Variants in RFX2 observed in about 807,000 individuals in gnomAD.
RFX2 encodes the protein DNA-binding protein RFX2.
A neutral mutation model predicts 87.8 loss-of-function variants in RFX2; 20 were observed. The ratio of observed to expected loss-of-function variants is 0.23; its 90% CI spans 0.16 to 0.33. RFX2 has a LOEUF of 0.33. Ranked by LOEUF, RFX2 falls within the 10% of genes least tolerant of loss-of-function variation. The pLI, the probability that RFX2 is intolerant of heterozygous loss-of-function variation, is 1.00. For missense variants in RFX2, 767 were observed against 1,012.3 expected (o/e 0.76, Z 3.29); for synonymous variants, 397 against 431.3 (o/e 0.92, Z 0.98).
Position 6,037,007 on chromosome 19 carries a change from G to C in RFX2, c.522+2973C>G, listed in dbSNP as rs182241084. On this transcript the variant is annotated intron_variant, in intron 5 of 17. Coordinates refer to ENST00000303657, the MANE Select transcript of RFX2 (RefSeq NM_000635.4). The stretch of plus-strand genomic sequence containing the variant: ...TAGAACCAAAAAATGAGTTCAGGCT[G>C]GGAAGGGTGGCTCACACCTGTAATC... Among the ~76,000 whole-genome samples, 435 of 152,276 alleles carry C rather than the reference G, an allele frequency of 2.9e-3. 2 individuals carry two copies. Among genetic ancestry groups the C allele is most frequent in the African/African-American group, 9.7e-3 (405 of 41,566 alleles).
Position 5,999,784 on chromosome 19 carries a change from G to A in RFX2, c.1859+2031C>T, listed in dbSNP as rs144296962. On this transcript the variant is annotated intron_variant, in intron 15 of 17. Coordinates refer to ENST00000303657, the MANE Select transcript of RFX2 (RefSeq NM_000635.4). The surrounding 1 kb of genome is among the most constrained non-coding windows in gnomAD (Gnocchi z 4.1). The stretch of plus-strand genomic sequence containing the variant: ...CATGCAAAGTGGGAAAGAATGGGCC[G>A]TCTTATTTACAGAGGCTGGGGGTGA... Among the ~76,000 whole-genome samples, 2,226 of 152,132 alleles carry A rather than the reference G, an allele frequency of 0.015. 45 individuals carry two copies. The highest frequency in any genetic ancestry group is 0.048 in the African/African-American group (1,975 of 41,490).
At chr19:6,084,643 C>CTTTCTTT in intron 1 of RFX2, among the ~76,000 whole-genome samples, 1 of 145,420 alleles carries the variant, frequency 6.9e-6, no homozygotes, top group South Asian at 2.1e-4. Flanking sequence ...TTCTTTCTTT[C>CTTTCTTT]TTTTTTTTGA....
rs1441051430 is a variant in RFX2, at chr19:6,013,652, G to A, written c.780-547C>T. ...CTCCTGCCTCAGCCTCTGAGTAGCT[G>A]GGACAGCTGGCGTGTGCCAACACAC... On this transcript the variant is annotated intron_variant, in intron 7 of 17. Coordinates refer to ENST00000303657, the MANE Select transcript of RFX2 (RefSeq NM_000635.4). This position sits in a 1 kb window ranked among gnomAD's most constrained non-coding sequence, Gnocchi z 4.1. Among the ~76,000 whole-genome samples, 1 of 152,152 alleles carries A rather than the reference G, an allele frequency of 6.6e-6. No individual in the cohort carries two copies. Among genetic ancestry groups the A allele is most frequent in the Non-Finnish European group, 1.5e-5 (1 of 68,016 alleles).
At position 6,004,714 on chromosome 19, in the gene RFX2, AAC is replaced by A. The variant is rs144381234; in HGVS notation, c.1403-418_1403-417del. Reference sequence around the variant, plus strand: ...GCCAAGGGAAAGAGGCCTTGACACAAACACACACACACACGTAAATACATTCT... The same window carrying A: ...GCCAAGGGAAAGAGGCCTTGACACAAACACACACACACGTAAATACATTCT... On this transcript the variant is annotated intron_variant, in intron 12 of 17. Coordinates refer to ENST00000303657, the MANE Select transcript of RFX2 (RefSeq NM_000635.4). This position sits in a 1 kb window ranked among gnomAD's most constrained non-coding sequence, Gnocchi z 4.8. 6.6e-6 allele frequency among the ~76,000 whole-genome samples: 1 copy of A among 151,768 alleles called. No homozygotes were observed. The highest frequency in any genetic ancestry group is 2.4e-5 in the African/African-American group (1 of 41,432).
chr19:6,078,313 T>C (rs2087725437), intron 1 of RFX2: 1 of 142,318 alleles, frequency 7.0e-6, no homozygotes, highest in African/African-American at 2.7e-5. Flanking sequence ...CTTTACGGTA[T>C]GTAAAACAGA....
At chr19:6,104,886 G>A (rs1018969136) in intron 1 of RFX2, among the ~76,000 whole-genome samples, 1 of 152,094 alleles carries the variant, frequency 6.6e-6, no homozygotes, top group African/African-American at 2.4e-5. Context: ...TTGGGAGGCC[G>A]AGGTGGGCAG....
intron 1 of RFX2, among the ~76,000 whole-genome samples, chr19:6,092,915 A>C (rs1314486576): frequency 6.6e-6 from 1 of 152,000 alleles, no homozygotes; most frequent in Non-Finnish European, 1.5e-5. Flanking sequence ...AGAGGCAAGG[A>C]GTGGGACGGG....
rs1306856379 is a variant in RFX2, at chr19:6,110,020, C to T, written c.-9+373G>A. ...TTAAGGTGAGAAGAGGGTCCCCAAG[C>T]GCCCCCAATTCAGGGAGTTTGAGGA... On this transcript the variant is annotated intron_variant, in intron 1 of 17. Transcript: ENST00000303657. This position sits in a 1 kb window ranked among gnomAD's most constrained non-coding sequence, Gnocchi z 4.3. 2.0e-5 allele frequency among the ~76,000 whole-genome samples: 3 copies of T among 151,428 alleles called. No individual in the cohort carries two copies. Among genetic ancestry groups the T allele is most frequent in the Non-Finnish European group, 3.0e-5 (2 of 67,774 alleles).
chr19:6,079,649 A>G (rs943026566), intron 1 of RFX2, among the ~76,000 whole-genome samples: 1 of 152,140 alleles, frequency 6.6e-6, no homozygotes, highest in Non-Finnish European at 1.5e-5. Flanking sequence ...GCACTTTGGA[A>G]GGCTGAGGTG....
intron 1 of RFX2, among the ~76,000 whole-genome samples, chr19:6,096,548 G>A (rs1365450559): frequency 6.6e-6 from 1 of 152,148 alleles, no homozygotes; most frequent in African/African-American, 2.4e-5. Context: ...CCGGGTTCAT[G>A]CCATTCTCCT....
At position 6,017,718 on chromosome 19, in the gene RFX2, T is replaced by G. The variant is rs2086748660; in HGVS notation, c.598-1447A>C. Reference sequence around the variant, plus strand: ...TGCCTGGGCCCTTCAGAGTGGGCAGTGCTGGGTCCTCAGCCCTCCCCCACC... The same window carrying G: ...TGCCTGGGCCCTTCAGAGTGGGCAGGGCTGGGTCCTCAGCCCTCCCCCACC... On this transcript the variant is annotated intron_variant, in intron 6 of 17. Coordinates refer to ENST00000303657, the MANE Select transcript of RFX2 (RefSeq NM_000635.4). This position sits in a 1 kb window ranked among gnomAD's most constrained non-coding sequence, Gnocchi z 4.1. 6.6e-6 allele frequency among the ~76,000 whole-genome samples: 1 copy of G among 152,134 alleles called. No homozygotes were observed. The highest frequency in any genetic ancestry group is 2.4e-5 in the African/African-American group (1 of 41,424).
chr19:6,075,132 C>T (rs2087672364), intron 1 of RFX2, among the ~76,000 whole-genome samples: 1 of 152,200 alleles, frequency 6.6e-6, no homozygotes, highest in South Asian at 2.1e-4. Context: ...GCACCCTCTT[C>T]TCAGACTTCC....
chr19:6,028,438 T>C (rs745313766), intron 5 of RFX2, among the ~76,000 whole-genome samples: 19 of 152,344 alleles, frequency 1.2e-4, no homozygotes, highest in Non-Finnish European at 1.3e-4. Flanking sequence ...ATATTTTTAC[T>C]TGATACTATA....
At position 6,001,639 on chromosome 19, in the gene RFX2, C is replaced by G. The variant is rs568709267; in HGVS notation, c.1859+176G>C. 6.6e-6 allele frequency among the ~76,000 whole-genome samples: 1 copy of G among 152,310 alleles called. No individual in the cohort carries two copies. Among genetic ancestry groups the G allele is most frequent in the East Asian group, 1.9e-4 (1 of 5,178 alleles). On this transcript the variant is annotated intron_variant, in intron 15 of 17. Transcript: ENST00000303657. This position sits in a 1 kb window ranked among gnomAD's most constrained non-coding sequence, Gnocchi z 5.6. ...CTTCTGGGCCTGCCCCTGGGAGCCG[C>G]TGGTCATGAGTGAGGCCCCCAGCCA... is the stretch of plus-strand genomic sequence containing the variant.
chr19:6,072,900 C>A lies in RFX2; in HGVS notation c.-8-25396G>T. 2.8e-6 allele frequency: 3 copies of A among 1,068,984 alleles called. No individual in the cohort carries two copies. In the East Asian group the frequency reaches 7.4e-5, roughly 26 times the overall value. 66.2% of individuals were successfully genotyped at this position (1,068,984 alleles called of 1,614,324 possible). ...AGGAGTTCATCTGGCACCAGTCAGA[C>A]CAACATGTCAAAATTAAGTGTAACT... On this transcript the variant is annotated intron_variant, in intron 1 of 17. Transcript: ENST00000303657.
In RFX2 at chr19:6,040,369, C is replaced by T. The variant is rs1327833588; in HGVS notation, c.261-128G>A. 1.6e-5 allele frequency: 15 copies of T among 957,058 alleles called. No individual in the cohort carries two copies. In the Middle Eastern group the frequency reaches 1.0e-3, roughly 66 times the overall value. The allele number at this position is 957,058 out of a possible 1,614,324, so 59.3% of individuals were successfully genotyped here. Reference sequence around the variant, plus strand: ...GAGAGGCCAGACATATGGAGCAATTCGGACGTGGCATATGACACTCAAATG... The same window carrying T: ...GAGAGGCCAGACATATGGAGCAATTTGGACGTGGCATATGACACTCAAATG... On this transcript the variant is annotated intron_variant, in intron 4 of 17. Coordinates refer to ENST00000303657, the MANE Select transcript of RFX2 (RefSeq NM_000635.4). This position sits in a 1 kb window ranked among gnomAD's most constrained non-coding sequence, Gnocchi z 6.1.
chr19:5,994,748 CT>C lies in RFX2; in HGVS notation c.*86del. ...TAAACATCACATCATCTAAGAGGCA[CT>C]AATTTGGTGGAGCCGGTGAAATCCA... On this transcript the variant is annotated 3_prime_UTR_variant, in exon 18 of 18. Coordinates refer to ENST00000303657, the MANE Select transcript of RFX2 (RefSeq NM_000635.4). The C allele has an allele frequency of 1.2e-6, 1 of 845,466 alleles. No individual in the cohort carries two copies. Among genetic ancestry groups the C allele is most frequent in the South Asian group, 1.4e-5 (1 of 69,044 alleles). The allele number at this position is 845,466 out of a possible 1,614,324, so 52.4% of individuals were successfully genotyped here.
chr19:6,072,882 C>T, intron 1 of RFX2: 4 of 1,217,494 alleles, frequency 3.3e-6, no homozygotes, highest in African/African-American at 1.5e-5. Flanking sequence ...CCAAGGAGTT[C>T]ATCTGGCACC....
At chr19:6,084,071 G>C (rs1262265279) in intron 1 of RFX2, among the ~76,000 whole-genome samples, 2 of 152,130 alleles carry the variant, frequency 1.3e-5, no homozygotes, top group Non-Finnish European at 2.9e-5. Flanking sequence ...AATCGTCTGT[G>C]AGTGCTAAAG....
Sources: allele counts gnomAD v4.1 joint callset (sites outside exome capture counted in the v4.1 genomes callset), GRCh38; gene constraint gnomAD v4.1.1; non-coding constraint Gnocchi (gnomAD v3.1); transcripts MANE v1.5; gene names NCBI Gene and HGNC (gene_info 2026-07-23, HGNC 2026-07-21).